THSD4: variants seen among roughly 807,000 people sequenced by gnomAD.
THSD4 encodes thrombospondin type-1 domain-containing protein 4.
In THSD4, 69 loss-of-function variants were observed where a neutral mutation model predicts 119.0. The observed-to-expected ratio is 0.58, with a 90% confidence interval of 0.48 to 0.71. The LOEUF is 0.71. Ranked by LOEUF, THSD4 falls within the 30% of genes least tolerant of loss-of-function variation. The pLI is 0.00. For missense variants in THSD4, 1,393 were observed against 1,391.1 expected (o/e 1.00, Z -0.02); for synonymous variants, 524 against 540.4 (o/e 0.97, Z 0.42).
Position 71,158,380 on chromosome 15 carries a change from C to T in THSD4, c.99+3448C>T, listed in dbSNP as rs533581589. Among the ~76,000 whole-genome samples, 226 of 151,908 alleles carry T rather than the reference C, an allele frequency of 1.5e-3. 1 individual carries two copies. Among genetic ancestry groups the T allele is most frequent in the Non-Finnish European group, 2.3e-3 (155 of 67,936 alleles). On this transcript the variant is annotated intron_variant, in intron 3 of 17. Transcript: ENST00000261862. ...GTTGATCAGGCTGGTCTTGAACTCCCGACCTCAGGTGATCTGCCCACCTCG... is the reference window on the plus strand; with the variant it reads ...GTTGATCAGGCTGGTCTTGAACTCCTGACCTCAGGTGATCTGCCCACCTCG...
At chr15:71,758,160 G>T in intron 15 of THSD4, 85 bp downstream of exon 15, 1 of 1,441,818 alleles carries the variant, frequency 6.9e-7, no homozygotes, top group Non-Finnish European at 9.2e-7. Context: ...CTTTGTGTCA[G>T]GTGTCCCAGC....
intron 2 of THSD4, among the ~76,000 whole-genome samples, chr15:71,143,419 G>A (rs1339192453): frequency 2.0e-5 from 3 of 152,126 alleles, no homozygotes; most frequent in Non-Finnish European, 2.9e-5. Flanking sequence ...TAGGACCATG[G>A]CATTTTAAGC....
chr15:71,725,524 A>G (rs1013059842), intron 8 of THSD4, among the ~76,000 whole-genome samples: 1 of 152,208 alleles, frequency 6.6e-6, no homozygotes. Context: ...GACAGAAAAG[A>G]AAACAGAAAT....
intron 6 of THSD4, among the ~76,000 whole-genome samples, chr15:71,285,718 G>A (rs1432597175): frequency 6.6e-6 from 1 of 152,026 alleles, no homozygotes; most frequent in African/African-American, 2.4e-5. Flanking sequence ...GCTGGGCGTA[G>A]TGGTGTGCAC....
intron 6 of THSD4, among the ~76,000 whole-genome samples, chr15:71,393,093 C>T (rs745773592): frequency 2.6e-5 from 4 of 152,138 alleles, no homozygotes; most frequent in Admixed American, 6.5e-5. Flanking sequence ...GATGGATTGA[C>T]GTCTTTTAAA....
At chr15:71,712,262 TAAAC>T (rs1445917172) in intron 8 of THSD4, among the ~76,000 whole-genome samples, 1 of 152,216 alleles carries the variant, frequency 6.6e-6, no homozygotes, top group Non-Finnish European at 1.5e-5. Flanking sequence ...AACACACTTC[TAAAC>T]AATCACTGAA....
chr15:71,587,768 T>A (rs1166614207), intron 7 of THSD4, among the ~76,000 whole-genome samples: 17 of 32,024 alleles, frequency 5.3e-4, no homozygotes, highest in Non-Finnish European at 9.0e-4. Context: ...AAACTTAGAG[T>A]ATAATAAAAA....
At chr15:71,447,127 T>TTG (rs2047196208) in intron 7 of THSD4, among the ~76,000 whole-genome samples, 2 of 140,736 alleles carry the variant, frequency 1.4e-5, no homozygotes, top group South Asian at 4.9e-4. Flanking sequence ...TGTTTTTTTT[T>TTG]TTTTTTTTTT....
At chr15:71,631,116 G>T (rs2050620017) in intron 7 of THSD4, among the ~76,000 whole-genome samples, 1 of 152,108 alleles carries the variant, frequency 6.6e-6, no homozygotes, top group African/African-American at 2.4e-5. Context: ...ATCCCCCTAG[G>T]TAAGAGGCAC....
intron 6 of THSD4, among the ~76,000 whole-genome samples, chr15:71,306,307 C>CAAAAAAAAAAAAAAAA (rs67260180): frequency 1.6e-5 from 1 of 62,936 alleles, no homozygotes; most frequent in African/African-American, 6.6e-5. Context: ...ACTCTTGCCT[C>CAAAAAAAAAAAAAAAA]AAAAAAAAAA....
intron 6 of THSD4, among the ~76,000 whole-genome samples, chr15:71,292,430 G>C (rs886983029): frequency 6.6e-6 from 1 of 151,934 alleles, no homozygotes; most frequent in Non-Finnish European, 1.5e-5. Flanking sequence ...CTGGAATGCT[G>C]TTTTGGACAG....
chr15:71,449,377 A>G lies in THSD4; in HGVS notation c.1152+37554A>G, dbSNP rs530373327. 4.1e-4 allele frequency among the ~76,000 whole-genome samples: 62 copies of G among 152,296 alleles called. 1 individual carries two copies. The South Asian group carries it at 0.012, about 30-fold the overall frequency. On this transcript the variant is annotated intron_variant, in intron 7 of 17. Coordinates refer to ENST00000261862, the MANE Select transcript of THSD4 (RefSeq NM_024817.3). ...GGCATTTCAGACACTGGTGAAGAAC[A>G]TGAGCTTTGGAGTCAGACTTGGGTT...
At chr15:71,142,232 G>A (rs2040611610) in intron 2 of THSD4, among the ~76,000 whole-genome samples, 1 of 151,790 alleles carries the variant, frequency 6.6e-6, no homozygotes, top group Non-Finnish European at 1.5e-5. Flanking sequence ...TATCAACCAT[G>A]CGTGGCAAGT....
intron 6 of THSD4, among the ~76,000 whole-genome samples, chr15:71,360,489 G>A (rs2045879826): frequency 6.6e-6 from 1 of 152,114 alleles, no homozygotes; most frequent in Admixed American, 6.5e-5. Flanking sequence ...ATAGGATAAA[G>A]ACCCATAAAT....
At chr15:71,276,933 C>G (rs2044596643) in intron 6 of THSD4, among the ~76,000 whole-genome samples, 1 of 152,088 alleles carries the variant, frequency 6.6e-6, no homozygotes, top group Non-Finnish European at 1.5e-5. Context: ...TAAGAATTCT[C>G]TCATTGGGGG....
At chr15:71,475,747 A>G (rs1258141550) in intron 7 of THSD4, among the ~76,000 whole-genome samples, 1 of 151,756 alleles carries the variant, frequency 6.6e-6, no homozygotes, top group Non-Finnish European at 1.5e-5. Flanking sequence ...ACATAATGAG[A>G]CTCTGTCTCT....
At chr15:71,102,981 G>A (rs146329822) in intron 1 of THSD4, among the ~76,000 whole-genome samples, 1,718 of 152,158 alleles carry the variant, frequency 0.011, 35 homozygotes, top group African/African-American at 0.038. Context: ...AAAATGTTTG[G>A]TAATTCTAAC....
intron 7 of THSD4, among the ~76,000 whole-genome samples, chr15:71,633,009 C>A (rs1439797060): frequency 2.0e-5 from 3 of 152,064 alleles, no homozygotes; most frequent in Non-Finnish European, 1.5e-5. Context: ...GCAGCTTACC[C>A]GACAGCTTGC....
chr15:71,292,675 ATT>A (rs36103838), intron 6 of THSD4, among the ~76,000 whole-genome samples: 72 of 130,538 alleles, frequency 5.5e-4, no homozygotes, highest in African/African-American at 8.1e-4. Flanking sequence ...ATATAACAGG[ATT>A]TTTTTTTTTT....
Sources: allele counts gnomAD v4.1 joint callset (sites outside exome capture counted in the v4.1 genomes callset), GRCh38; gene constraint gnomAD v4.1.1; transcripts MANE v1.5; gene names NCBI Gene and HGNC (gene_info 2026-07-23, HGNC 2026-07-21).